The following GUCA1C variants were observed in gnomAD, a reference collection of about 807,000 sequenced individuals.
GUCA1C encodes the protein guanylate cyclase activator 1C.
In GUCA1C, 15 loss-of-function variants were observed where a neutral mutation model predicts 16.2. That is an observed-to-expected ratio of 0.93 (90% CI 0.62 to 1.43). GUCA1C has a LOEUF of 1.43. GUCA1C is among the 40% of genes most tolerant of loss of function. The probability of loss-of-function intolerance (pLI) is 0.00; values close to 1 mark genes in which losing one functional copy is unlikely to be tolerated. For missense variants in GUCA1C, 275 were observed against 244.8 expected (o/e 1.12, Z -0.82); for synonymous variants, 78 against 85.4 (o/e 0.91, Z 0.48).
intron 1 of GUCA1C, among the ~76,000 whole-genome samples, chr3:108,946,577 C>A (rs549799417): frequency 2.6e-5 from 4 of 152,072 alleles, no homozygotes; most frequent in Non-Finnish European, 5.9e-5. Flanking sequence ...GTAAGACAAC[C>A]AATAATTATG....
chr3:108,936,523 T>C (rs1946729530), intron 1 of GUCA1C, among the ~76,000 whole-genome samples: 1 of 152,146 alleles, frequency 6.6e-6, no homozygotes, highest in Non-Finnish European at 1.5e-5. Context: ...ACGGGGTAAA[T>C]GCAGGATTTA....
intron 1 of GUCA1C, among the ~76,000 whole-genome samples, chr3:108,931,384 C>T (rs1350871726): frequency 1.3e-5 from 2 of 152,244 alleles, no homozygotes; most frequent in Non-Finnish European, 2.9e-5. Context: ...ATGAGATGCA[C>T]ATAAATATTT....
At chr3:108,927,504 T>G (rs34559008) in intron 1 of GUCA1C, among the ~76,000 whole-genome samples, 4,164 of 151,772 alleles carry the variant, frequency 0.027, 71 homozygotes, top group Middle Eastern at 0.11. Context: ...TAAAGTTCTT[T>G]CTTATGCTTA....
At chr3:108,935,324 ACTC>A (rs1015984837) in intron 1 of GUCA1C, among the ~76,000 whole-genome samples, 1 of 151,946 alleles carries the variant, frequency 6.6e-6, no homozygotes, top group Non-Finnish European at 1.5e-5. Context: ...ACAAACCTGT[ACTC>A]CTGAATTTAA....
rs533774723 is a variant in GUCA1C, at chr3:108,953,806, A to C, written c.-44T>G. 8 of 1,432,184 alleles carry C rather than the reference A, an allele frequency of 5.6e-6. No homozygotes were observed. In the Admixed American group the frequency reaches 1.0e-4, roughly 18 times the overall value. 88.7% of individuals were successfully genotyped at this position (1,432,184 alleles called of 1,614,324 possible). A position where few individuals can be genotyped will look rare whatever the true frequency, so the allele number is the denominator to read the frequency against. ...GCTTTTCCTCAGGTTGTTTTCACTT[A>C]AGTTTTTGCTGGATTTAGTCCCTTA... On this transcript the variant is annotated 5_prime_UTR_variant, in exon 1 of 4. Coordinates refer to ENST00000261047, the MANE Select transcript of GUCA1C (RefSeq NM_005459.4).
chr3:108,916,984 T>C (rs1946524476), intron 2 of GUCA1C, among the ~76,000 whole-genome samples: 1 of 152,234 alleles, frequency 6.6e-6, no homozygotes, highest in Non-Finnish European at 1.5e-5. Context: ...ATCATAAATA[T>C]GACTCTCTCT....
rs749690034 is a variant in GUCA1C, at chr3:108,953,650, T to C, written c.113A>G (p.His38Arg). ...CAGACCCAAAAGTGTCTTAAATTCA[T>C]GTAGTGTTTGCAGGCCGGATGGATA... Reference protein sequence around the residue: ...MEYPSGLQTLHEFKTLLGLQG... With the variant: ...MEYPSGLQTLREFKTLLGLQG... Residue 38 changes from histidine (H) to arginine (R), a missense_variant, in exon 1 of 4, where the codon CAT becomes CGT. By Grantham distance (29) the His-to-Arg change is conservative. Coordinates refer to ENST00000261047, the MANE Select transcript of GUCA1C (RefSeq NM_005459.4). 5.6e-6 allele frequency: 9 copies of C among 1,612,908 alleles called. No individual in the cohort carries two copies. The Admixed American group carries it at 1.0e-4, about 18-fold the overall frequency.
At chr3:108,945,602 C>A (rs976543101) in intron 1 of GUCA1C, among the ~76,000 whole-genome samples, 2 of 152,174 alleles carry the variant, frequency 1.3e-5, no homozygotes, top group African/African-American at 4.8e-5. Context: ...GAGCAGTTTC[C>A]ATCACTGACC....
chr3:108,934,427 T>C (rs1481152017), intron 1 of GUCA1C, among the ~76,000 whole-genome samples: 2 of 152,140 alleles, frequency 1.3e-5, no homozygotes, highest in African/African-American at 4.8e-5. Context: ...GGGATGTAAA[T>C]TAGTTCAGCC....
rs1333977929 is a variant in GUCA1C, at chr3:108,908,199, A to T, written c.453T>A (p.Thr151=). The T allele has an allele frequency of 6.2e-7, 1 of 1,611,172 alleles. No individual in the cohort carries two copies. Among genetic ancestry groups the T allele is most frequent in the South Asian group, 1.1e-5 (1 of 90,984 alleles). The change falls in exon 4 of 4, where the codon ACT becomes ACA. Residue 151 remains threonine (T), a synonymous_variant. Transcript: ENST00000261047. ...KIDINNDGEL[T]LEEFINGMAK... The stretch of plus-strand genomic sequence containing the variant: ...CCATGCCATTGATAAATTCTTCTAA[A>T]GTCAATTCCCCTGGAAAATAATAAA...
intron 2 of GUCA1C, among the ~76,000 whole-genome samples, chr3:108,918,226 A>G (rs1946537124): frequency 6.6e-6 from 1 of 152,162 alleles, no homozygotes; most frequent in Non-Finnish European, 1.5e-5. Flanking sequence ...GTCTCCAGAC[A>G]TTGTGAAATG....
Position 108,948,754 on chromosome 3 carries a change from C to A in GUCA1C, c.204+4805G>T, listed in dbSNP as rs375903401. Among the ~76,000 whole-genome samples, 148 of 151,868 alleles carry A rather than the reference C, an allele frequency of 9.7e-4. 3 individuals carry two copies. In the South Asian group the frequency reaches 0.03, roughly 31 times the overall value. ...AAGACTTTAGGATTTTCTCTTTACC[C>A]TTCTTATAAAATTTCTCAGAATATG... is the stretch of plus-strand genomic sequence containing the variant. On this transcript the variant is annotated intron_variant, in intron 1 of 3. Transcript: ENST00000261047.
chr3:108,923,964 G>T (rs544374947), intron 1 of GUCA1C, among the ~76,000 whole-genome samples: 1 of 152,166 alleles, frequency 6.6e-6, no homozygotes, highest in African/African-American at 2.4e-5. Flanking sequence ...CGCTGTTGGT[G>T]TATAGAAGAG....
intron 1 of GUCA1C, among the ~76,000 whole-genome samples, chr3:108,925,159 T>C (rs1195175152): frequency 6.6e-6 from 1 of 152,142 alleles, no homozygotes; most frequent in Non-Finnish European, 1.5e-5. Context: ...CATTATTTAT[T>C]TTCTTCTGCT....
chr3:108,910,495 GA>G (rs112235016), intron 3 of GUCA1C, among the ~76,000 whole-genome samples: 30,409 of 139,928 alleles, frequency 0.22, 3,940 homozygotes, highest in African/African-American at 0.37. Context: ...GAGACTGTCT[GA>G]AAAAAAAAAA....
chr3:108,925,673 T>C (rs1946616503), intron 1 of GUCA1C, among the ~76,000 whole-genome samples: 1 of 152,244 alleles, frequency 6.6e-6, no homozygotes, highest in Admixed American at 6.5e-5. Flanking sequence ...TCATTGTTTC[T>C]TTGTTGACTT....
chr3:108,929,194 A>T (rs1946646189), intron 1 of GUCA1C, among the ~76,000 whole-genome samples: 1 of 152,224 alleles, frequency 6.6e-6, no homozygotes, highest in South Asian at 2.1e-4. Context: ...TGAGAGTGCC[A>T]ATGTAAATGG....
intron 1 of GUCA1C, among the ~76,000 whole-genome samples, chr3:108,934,557 G>T (rs554574523): frequency 6.6e-6 from 1 of 152,034 alleles, no homozygotes; most frequent in South Asian, 2.1e-4. Context: ...CCAAAAAGAC[G>T]TATGCACTTG....
At chr3:108,915,515 C>G (rs944442085) in intron 3 of GUCA1C, among the ~76,000 whole-genome samples, 1 of 152,082 alleles carries the variant, frequency 6.6e-6, no homozygotes, top group South Asian at 2.1e-4. Flanking sequence ...ACTCCTACCT[C>G]TGAAGAAGAA....
Sources: gnomAD v4.1 joint callset for allele counts (sites outside exome capture counted in the v4.1 genomes callset) on GRCh38, gnomAD v4.1.1 for gene constraint, MANE v1.5 for transcripts, NCBI Gene and HGNC (gene_info 2026-07-23, HGNC 2026-07-21) for gene names.